KLF8: variants seen among roughly 807,000 people sequenced by gnomAD.
The protein encoded by KLF8 is KLF transcription factor 8.
KLF8 carries 10 observed loss-of-function variants against 18.2 expected under a neutral mutation model. That is an observed-to-expected ratio of 0.55 (90% CI 0.34 to 0.93). The LOEUF (loss-of-function observed/expected upper bound fraction) is 0.93. Ranked by LOEUF, KLF8 falls within the 40% of genes least tolerant of loss-of-function variation. KLF8 has a pLI of 0.02. For missense variants in KLF8, 264 were observed against 277.9 expected, an observed-to-expected ratio of 0.95 and a Z score of 0.36; for synonymous variants, 109 against 97.3, an observed-to-expected ratio of 1.12 and a Z score of -0.71.
the KLF8 span, among the ~76,000 whole-genome samples, chrX:55,930,779 C>T: frequency 9.9e-5 from 11 of 111,489 alleles, no homozygotes; most frequent in Non-Finnish European, 1.5e-4. Flanking sequence ...TGGTGGATTT[C>T]GCTTGCCAGT....
the KLF8 span, among the ~76,000 whole-genome samples, chrX:56,151,849 A>G: frequency 9.0e-6 from 1 of 111,641 alleles, no homozygotes; most frequent in Admixed American, 9.6e-5. Context: ...GAGAAAAGAG[A>G]AAAGGGCCTA....
the KLF8 span, among the ~76,000 whole-genome samples, chrX:56,058,207 CAT>C: frequency 1.3e-5 from 1 of 77,986 alleles, no homozygotes; most frequent in Non-Finnish European, 2.3e-5. Flanking sequence ...TATATATACA[CAT>C]ATATATACGT....
chrX:55,908,571 C>T, the KLF8 span: 3 of 296,068 alleles, frequency 1.0e-5, no homozygotes, highest in Admixed American at 6.1e-5. Flanking sequence ...ACCTCCACTC[C>T]TTCCCCTGGC....
At chrX:55,973,791 C>T in the KLF8 span, among the ~76,000 whole-genome samples, 4 of 111,779 alleles carry the variant, frequency 3.6e-5, no homozygotes, top group Non-Finnish European at 5.7e-5. Context: ...GAAGAATTCT[C>T]AAAGACAGAA....
the KLF8 span, among the ~76,000 whole-genome samples, chrX:56,199,562 A>T: frequency 8.9e-6 from 1 of 111,947 alleles, no homozygotes; most frequent in Non-Finnish European, 1.9e-5. Context: ...AATGGCAATC[A>T]TTAAAAAGTC....
chrX:56,194,239 G>A, the KLF8 span, among the ~76,000 whole-genome samples: 1 of 111,091 alleles, frequency 9.0e-6, no homozygotes, highest in Non-Finnish European at 1.9e-5. Context: ...GCCCACAGAG[G>A]GTGAGCTGAA....
the KLF8 span, among the ~76,000 whole-genome samples, chrX:56,125,764 G>A: frequency 2.7e-5 from 3 of 111,596 alleles, no homozygotes; most frequent in African/African-American, 9.8e-5. Flanking sequence ...ATACATAACG[G>A]GTTTAGGGTG....
the KLF8 span, among the ~76,000 whole-genome samples, chrX:56,042,140 G>T: frequency 2.7e-5 from 3 of 111,960 alleles, no homozygotes; most frequent in East Asian, 5.5e-4. Flanking sequence ...ATTTACCCAG[G>T]AGTCATTCAG....
the KLF8 span, among the ~76,000 whole-genome samples, chrX:56,007,247 T>G: frequency 2.7e-5 from 3 of 111,206 alleles, no homozygotes; most frequent in Non-Finnish European, 3.8e-5. Context: ...GCAGGGCTTT[T>G]GGGATGTAGA....
At chrX:56,110,922 T>C in the KLF8 span, among the ~76,000 whole-genome samples, 47 of 111,933 alleles carry the variant, frequency 4.2e-4, no homozygotes, top group African/African-American at 1.5e-3. Flanking sequence ...TTTACTGAAG[T>C]TTTTTTATTT....
the KLF8 span, among the ~76,000 whole-genome samples, chrX:56,053,534 T>C: frequency 1.4e-5 from 1 of 72,205 alleles, no homozygotes; most frequent in Non-Finnish European, 2.5e-5. Context: ...TAGGGAGAAG[T>C]CTTTTCTTTG....
the KLF8 span, among the ~76,000 whole-genome samples, chrX:55,939,364 C>T: frequency 9.0e-6 from 1 of 110,852 alleles, no homozygotes; most frequent in Non-Finnish European, 1.9e-5. Flanking sequence ...ATCTCTGGGA[C>T]ACATTCAAAG....
chrX:55,969,427 C>T, the KLF8 span, among the ~76,000 whole-genome samples: 1 of 111,315 alleles, frequency 9.0e-6, no homozygotes, highest in Non-Finnish European at 1.9e-5. Flanking sequence ...CATGACATAT[C>T]TAAACCTACA....
chrX:56,023,371 C>G, the KLF8 span, among the ~76,000 whole-genome samples: 1 of 111,674 alleles, frequency 9.0e-6, no homozygotes, highest in Non-Finnish European at 1.9e-5. Context: ...CAGAGACAAA[C>G]AGAATGGATT....
the KLF8 span, among the ~76,000 whole-genome samples, chrX:56,077,153 C>A: frequency 2.7e-5 from 3 of 111,716 alleles, no homozygotes; most frequent in Non-Finnish European, 5.6e-5. Flanking sequence ...TAATTAGATC[C>A]CATTTGTCAA....
At chrX:56,033,113 C>T in the KLF8 span, among the ~76,000 whole-genome samples, 1 of 111,378 alleles carries the variant, frequency 9.0e-6, no homozygotes, top group Non-Finnish European at 1.9e-5. Flanking sequence ...TATCCATCTC[C>T]TCAAATACTT....
At chrX:55,933,958 C>T in the KLF8 span, among the ~76,000 whole-genome samples, 5 of 111,794 alleles carry the variant, frequency 4.5e-5, no homozygotes. Context: ...TAGGTCATAG[C>T]TTTTATAAGT....
the KLF8 span, among the ~76,000 whole-genome samples, chrX:55,932,974 T>A: frequency 8.9e-6 from 1 of 111,913 alleles, no homozygotes; most frequent in Non-Finnish European, 1.9e-5. Context: ...ATCTTTTATG[T>A]TAATAGCACA....
chrX:56,122,758 A>G, the KLF8 span, among the ~76,000 whole-genome samples: 2 of 109,591 alleles, frequency 1.8e-5, no homozygotes, highest in African/African-American at 6.7e-5. Context: ...TTATATATAT[A>G]TTTCATTTTT....
Sources: gnomAD v4.1 joint callset for allele counts (sites outside exome capture counted in the v4.1 genomes callset) on GRCh38, gnomAD v4.1.1 for gene constraint, MANE v1.5 for transcripts, NCBI Gene and HGNC (gene_info 2026-07-23, HGNC 2026-07-21) for gene names.